FSTL4: variants seen among roughly 807,000 people sequenced by gnomAD.
FSTL4 encodes the protein follistatin-related protein 4.
A neutral mutation model predicts 78.2 loss-of-function variants in FSTL4; 28 were observed. The ratio of observed to expected loss-of-function variants is 0.36; its 90% confidence interval spans 0.27 to 0.49. The LOEUF (loss-of-function observed/expected upper bound fraction) is 0.49. FSTL4 is among the 20% of genes least tolerant of loss of function. The pLI is 0.98. For synonymous variants in FSTL4, 422 were observed against 440.5 expected, an observed-to-expected ratio of 0.96 and a Z score of 0.53; for missense variants, 922 against 1,084.9, an observed-to-expected ratio of 0.85 and a Z score of 2.11.
chr5:133,562,624 G>A, intron 3 of FSTL4, among the ~76,000 whole-genome samples: 1 of 152,278 alleles, frequency 6.6e-6, no homozygotes, highest in South Asian at 2.1e-4. Context: ...TAGAAGCCAG[G>A]CCAGGCTGGA....
At chr5:133,545,913 A>G (rs552577654) in intron 3 of FSTL4, among the ~76,000 whole-genome samples, 1 of 152,336 alleles carries the variant, frequency 6.6e-6, no homozygotes, top group Admixed American at 6.5e-5. Context: ...CAAGGTCTCA[A>G]ATGGAACTGA....
At chr5:133,707,103 C>T in the FSTL4 span, among the ~76,000 whole-genome samples, 50 of 152,312 alleles carry the variant, frequency 3.3e-4, no homozygotes, top group Non-Finnish European at 6.0e-4. Context: ...GTCAGAGGAC[C>T]AAACTAGTGC....
chr5:133,534,192 C>A (rs1759308370), intron 3 of FSTL4, among the ~76,000 whole-genome samples: 1 of 151,742 alleles, frequency 6.6e-6, no homozygotes, highest in African/African-American at 2.4e-5. Flanking sequence ...TAAATTGAGT[C>A]TCCTATGAAA....
intron 6 of FSTL4, among the ~76,000 whole-genome samples, chr5:133,288,994 C>T (rs1425446901): frequency 1.3e-5 from 2 of 152,242 alleles, no homozygotes; most frequent in Non-Finnish European, 1.5e-5. Context: ...AGCCTGGGCT[C>T]AGAGGCACAG....
At chr5:133,521,505 A>G (rs1176962595) in intron 3 of FSTL4, among the ~76,000 whole-genome samples, 1 of 152,022 alleles carries the variant, frequency 6.6e-6, no homozygotes, top group Non-Finnish European at 1.5e-5. Flanking sequence ...CTGCCACCCT[A>G]TCTTCAGCAC....
the FSTL4 span, among the ~76,000 whole-genome samples, chr5:133,708,842 T>C: frequency 1.8e-4 from 28 of 152,270 alleles, no homozygotes; most frequent in African/African-American, 5.8e-4. Flanking sequence ...GAGAGAAACA[T>C]AGCTGGCCTT....
At chr5:133,692,295 A>G in the FSTL4 span, among the ~76,000 whole-genome samples, 53,900 of 152,016 alleles carry the variant, frequency 0.35, 10,508 homozygotes, top group African/African-American at 0.53. Context: ...GGAGTGGACG[A>G]AACAGAGGCC....
chr5:133,336,673 C>T (rs1268226072), intron 4 of FSTL4, among the ~76,000 whole-genome samples: 1 of 152,208 alleles, frequency 6.6e-6, no homozygotes, highest in Middle Eastern at 3.2e-3. Context: ...TCCTCCTGCC[C>T]ACTCCATCTA....
At chr5:133,732,370 C>T in the FSTL4 span, among the ~76,000 whole-genome samples, 1 of 152,172 alleles carries the variant, frequency 6.6e-6, no homozygotes, top group Non-Finnish European at 1.5e-5. Context: ...AGAAGAGACA[C>T]TGGGCAGAAC....
chr5:133,419,350 C>T (rs1244336564), intron 3 of FSTL4, among the ~76,000 whole-genome samples: 1 of 152,162 alleles, frequency 6.6e-6, no homozygotes, highest in Non-Finnish European at 1.5e-5. Flanking sequence ...AATATCTTGA[C>T]CTCATGATCT....
chr5:133,771,695 A>G, the FSTL4 span, among the ~76,000 whole-genome samples: 3 of 151,982 alleles, frequency 2.0e-5, no homozygotes, highest in Non-Finnish European at 4.4e-5. Flanking sequence ...GGATAATTTG[A>G]CTTCCTCTTT....
At chr5:133,836,265 C>A in the FSTL4 span, among the ~76,000 whole-genome samples, 15 of 152,180 alleles carry the variant, frequency 9.9e-5, no homozygotes, top group South Asian at 2.1e-4. Context: ...TCTTTTGGAT[C>A]AAGTATTTTC....
At chr5:133,345,620 C>T (rs552961371) in intron 4 of FSTL4, among the ~76,000 whole-genome samples, 22 of 152,056 alleles carry the variant, frequency 1.4e-4, no homozygotes, top group African/African-American at 3.4e-4. Flanking sequence ...GGAAGGAGTC[C>T]GGCCAACAAA....
the FSTL4 span, among the ~76,000 whole-genome samples, chr5:133,642,378 C>T: frequency 3.3e-5 from 5 of 152,158 alleles, no homozygotes; most frequent in African/African-American, 9.7e-5. Context: ...GTGGGTTTGG[C>T]CACTGTTCCT....
intron 6 of FSTL4, among the ~76,000 whole-genome samples, chr5:133,276,718 G>A (rs557774514): frequency 7.0e-4 from 106 of 152,246 alleles, no homozygotes; most frequent in African/African-American, 2.3e-3. Context: ...AATTTGATGC[G>A]AAGAGATAGA....
intron 4 of FSTL4, among the ~76,000 whole-genome samples, chr5:133,375,398 T>G (rs1430758153): frequency 1.3e-5 from 2 of 150,620 alleles, no homozygotes; most frequent in African/African-American, 4.9e-5. Flanking sequence ...TGTGCTTTTC[T>G]GTATGTCCTA....
At chr5:133,408,680 G>T (rs922493703) in intron 3 of FSTL4, among the ~76,000 whole-genome samples, 1 of 152,172 alleles carries the variant, frequency 6.6e-6, no homozygotes, top group African/African-American at 2.4e-5. Flanking sequence ...TAAAACCTTG[G>T]CCTCCACCCA....
chr5:133,465,603 G>A (rs1311427209), intron 3 of FSTL4, among the ~76,000 whole-genome samples: 1 of 152,204 alleles, frequency 6.6e-6, no homozygotes, highest in Non-Finnish European at 1.5e-5. Context: ...TCTGGGCAGG[G>A]GGTGGGGAGG....
At chr5:133,638,460 T>C in the FSTL4 span, among the ~76,000 whole-genome samples, 4 of 152,170 alleles carry the variant, frequency 2.6e-5, no homozygotes, top group Non-Finnish European at 5.9e-5. Context: ...GGGGTCCTAC[T>C]TCTCTCCCTC....
Sources: allele counts gnomAD v4.1 joint callset (sites outside exome capture counted in the v4.1 genomes callset), GRCh38; gene constraint gnomAD v4.1.1; transcripts MANE v1.5; gene names NCBI Gene and HGNC (gene_info 2026-07-23, HGNC 2026-07-21).